The following NKAIN2 variants were observed in gnomAD, a reference collection of about 807,000 sequenced individuals.
NKAIN2 encodes sodium/potassium transporting ATPase interacting 2.
A neutral mutation model predicts 32.6 loss-of-function variants in NKAIN2; 14 were observed. That is an observed-to-expected ratio of 0.43 (90% CI 0.28 to 0.67). The LOEUF (loss-of-function observed/expected upper bound fraction) is 0.67. Ranked by LOEUF, NKAIN2 falls within the 30% of genes least tolerant of loss-of-function variation. The pLI is 0.17. For synonymous variants in NKAIN2, 80 were observed against 87.2 expected (o/e 0.92, Z 0.46); for missense variants, 198 against 258.3 (o/e 0.77, Z 1.60).
Position 124,446,297 on chromosome 6 carries a change from C to T in NKAIN2, c.273+90950C>T, listed in dbSNP as rs564314376. On this transcript the variant is annotated intron_variant, in intron 3 of 6. Coordinates refer to ENST00000368417, the MANE Select transcript of NKAIN2 (RefSeq NM_001040214.3). The stretch of plus-strand genomic sequence containing the variant: ...ACTTTGAAATGGGTAAAGCTCAAGC[C>T]TCTCTCCACAAAACTTTATAATTGC... Among the ~76,000 whole-genome samples, 7 of 152,020 alleles carry T rather than the reference C, an allele frequency of 4.6e-5. No homozygotes were observed. In the South Asian group the frequency reaches 1.5e-3, roughly 32 times the overall value.
chr6:124,584,670 A>AAAAAGACATAC (rs1554229664), intron 3 of NKAIN2, among the ~76,000 whole-genome samples: 9 of 151,270 alleles, frequency 5.9e-5, no homozygotes, highest in South Asian at 2.1e-4. Flanking sequence ...AAAAAAAAAA[A>AAAAAGACATAC]AAAGACATAC....
chr6:124,377,643 G>A (rs7739785), intron 3 of NKAIN2, among the ~76,000 whole-genome samples: 74,577 of 151,932 alleles, frequency 0.49, 18,470 homozygotes, highest in East Asian at 0.59. Flanking sequence ...GAAATGTGAG[G>A]GGTGAGGCTG....
At chr6:124,148,202 G>A (rs1245459387) in intron 1 of NKAIN2, among the ~76,000 whole-genome samples, 1 of 151,912 alleles carries the variant, frequency 6.6e-6, no homozygotes, top group Non-Finnish European at 1.5e-5. Flanking sequence ...GCATTAGAGA[G>A]TTTGCACTTT....
intron 1 of NKAIN2, among the ~76,000 whole-genome samples, chr6:124,263,866 A>G (rs1196297701): frequency 6.6e-6 from 1 of 152,180 alleles, no homozygotes; most frequent in Non-Finnish European, 1.5e-5. Context: ...CAAATTTCAG[A>G]ACCATCTGTG....
At chr6:124,256,320 G>A (rs1197931745) in intron 1 of NKAIN2, among the ~76,000 whole-genome samples, 15 of 152,156 alleles carry the variant, frequency 9.9e-5, no homozygotes, top group Admixed American at 9.8e-4. Flanking sequence ...AGATAGTTAA[G>A]GGAGCTCTTA....
chr6:123,874,892 C>T (rs1773096959), intron 1 of NKAIN2, among the ~76,000 whole-genome samples: 1 of 151,516 alleles, frequency 6.6e-6, no homozygotes, highest in African/African-American at 2.4e-5. Context: ...TTCCTACATA[C>T]ATACATACAT....
intron 1 of NKAIN2, among the ~76,000 whole-genome samples, chr6:124,161,470 A>T (rs116625465): frequency 6.6e-6 from 1 of 152,134 alleles, no homozygotes; most frequent in Non-Finnish European, 1.5e-5. Context: ...TGTTATTATC[A>T]TATCAATAAA....
At chr6:124,646,906 A>G (rs1784190628) in intron 3 of NKAIN2, among the ~76,000 whole-genome samples, 1 of 152,054 alleles carries the variant, frequency 6.6e-6, no homozygotes, top group Admixed American at 6.6e-5. Context: ...AGCTGAGATC[A>G]TGCCACTGCA....
At chr6:124,159,522 T>C (rs1316079336) in intron 1 of NKAIN2, among the ~76,000 whole-genome samples, 1 of 152,180 alleles carries the variant, frequency 6.6e-6, no homozygotes, top group Non-Finnish European at 1.5e-5. Context: ...TATGTATTGA[T>C]TAGGAATTGG....
intron 1 of NKAIN2, among the ~76,000 whole-genome samples, chr6:124,070,376 T>C (rs1783396412): frequency 6.6e-6 from 1 of 152,078 alleles, no homozygotes; most frequent in African/African-American, 2.4e-5. Flanking sequence ...AACTTGCTTT[T>C]ACTCCTGCTT....
intron 5 of NKAIN2, among the ~76,000 whole-genome samples, chr6:124,797,636 C>T (rs1429630661): frequency 6.6e-6 from 1 of 152,162 alleles, no homozygotes; most frequent in East Asian, 1.9e-4. Flanking sequence ...TTCTCTGGGG[C>T]TAATAATTTT....
chr6:124,183,149 G>A lies in NKAIN2; in HGVS notation c.55-99856G>A, dbSNP rs562625303. The stretch of plus-strand genomic sequence containing the variant: ...AATATTCATATTGCATTGGGGTTAA[G>A]CAATCAGAGACCCCATTTTTGCAGG... On this transcript the variant is annotated intron_variant, in intron 1 of 6. Coordinates refer to ENST00000368417, the MANE Select transcript of NKAIN2 (RefSeq NM_001040214.3). Among the ~76,000 whole-genome samples, 6 of 152,186 alleles carry A rather than the reference G, an allele frequency of 3.9e-5. No homozygotes were observed. In the South Asian group the frequency reaches 1.0e-3, roughly 26 times the overall value.
intron 1 of NKAIN2, among the ~76,000 whole-genome samples, chr6:123,896,235 T>C (rs924246174): frequency 1.1e-4 from 16 of 152,194 alleles, no homozygotes; most frequent in African/African-American, 3.9e-4. Flanking sequence ...GAGCTACTTA[T>C]GTTACTGCCC....
At position 124,729,977 on chromosome 6, in the gene NKAIN2, A is replaced by G. The variant is rs1027663306; in HGVS notation, c.475-61362A>G. 9.5e-3 allele frequency among the ~76,000 whole-genome samples: 1,391 copies of G among 146,344 alleles called. 14 individuals carry two copies. Among genetic ancestry groups the G allele is most frequent in the African/African-American group, 0.034 (1,338 of 39,448 alleles). ...ATTCACAATTGCTTCAAAGAGAATAAAATACCTAGGAATCCAACTTACAAG... is the reference window on the plus strand; with the variant it reads ...ATTCACAATTGCTTCAAAGAGAATAGAATACCTAGGAATCCAACTTACAAG... On this transcript the variant is annotated intron_variant, in intron 4 of 6. Coordinates refer to ENST00000368417, the MANE Select transcript of NKAIN2 (RefSeq NM_001040214.3).
intron 1 of NKAIN2, among the ~76,000 whole-genome samples, chr6:123,856,246 G>A (rs1775550402): frequency 6.6e-6 from 1 of 152,074 alleles, no homozygotes; most frequent in Admixed American, 6.5e-5. Context: ...ACAGCTTTTT[G>A]ATCCTATAAC....
chr6:124,278,198 G>A (rs1464685382), intron 1 of NKAIN2, among the ~76,000 whole-genome samples: 2 of 152,078 alleles, frequency 1.3e-5, no homozygotes, highest in East Asian at 3.9e-4. Context: ...AGCAATAGAT[G>A]CCTAACCAGT....
intron 5 of NKAIN2, among the ~76,000 whole-genome samples, chr6:124,806,421 T>G (rs1439211491): frequency 6.6e-6 from 1 of 151,792 alleles, no homozygotes; most frequent in Non-Finnish European, 1.5e-5. Flanking sequence ...ATAAAATACT[T>G]TACAGACAAG....
chr6:124,197,876 A>G (rs13217232), intron 1 of NKAIN2, among the ~76,000 whole-genome samples: 16,292 of 78,136 alleles, frequency 0.21, 1,226 homozygotes, highest in East Asian at 0.32. Context: ...TGTTGCATTT[A>G]TGAGTGCTTC....
At chr6:123,961,958 C>T (rs1410235672) in intron 1 of NKAIN2, among the ~76,000 whole-genome samples, 2 of 151,888 alleles carry the variant, frequency 1.3e-5, no homozygotes, top group Non-Finnish European at 2.9e-5. Context: ...AGAGAGGAAA[C>T]GGTAATTAAA....
Sources: gnomAD v4.1 joint callset for allele counts (sites outside exome capture counted in the v4.1 genomes callset) on GRCh38, gnomAD v4.1.1 for gene constraint, MANE v1.5 for transcripts, NCBI Gene and HGNC (gene_info 2026-07-23, HGNC 2026-07-21) for gene names.